OR56A3: variants seen among roughly 807,000 people sequenced by gnomAD.
The protein encoded by OR56A3 is olfactory receptor family 56 subfamily A member 3, also known as olfactory receptor 56A3.
Under a neutral mutation model 17.5 loss-of-function variants are expected in OR56A3, and 23 were observed. That is an observed-to-expected ratio of 1.32 (90% CI 0.95 to 1.87). The LOEUF is 1.87. Ranked by LOEUF, OR56A3 falls within the 40% of genes most tolerant of loss-of-function variation. The pLI is 0.00. For missense variants in OR56A3, 366 were observed against 380.1 expected (o/e 0.96, Z 0.31); for synonymous variants, 175 against 150.6 (o/e 1.16, Z -1.19).
the OR56A3 span, chr11:6,003,157 A>T: frequency 2.0e-6 from 3 of 1,528,724 alleles, no homozygotes; most frequent in Admixed American, 2.0e-5. Flanking sequence ...ATCCTCCCTT[A>T]TATTTAACCA....
the OR56A3 span, chr11:6,000,723 C>A: frequency 2.5e-4 from 38 of 152,074 alleles, no homozygotes; most frequent in African/African-American, 8.9e-4. Context: ...AGAGAGAGAG[C>A]AAAATGGGAA....
At chr11:5,959,326 CCT>C in the OR56A3 span, among the ~76,000 whole-genome samples, 1 of 151,934 alleles carries the variant, frequency 6.6e-6, no homozygotes, top group Admixed American at 6.6e-5. Context: ...GTTTTGTTTT[CCT>C]TTTTGTTTTT....
chr11:5,997,044 T>G, the OR56A3 span, among the ~76,000 whole-genome samples: 1 of 152,106 alleles, frequency 6.6e-6, no homozygotes, highest in Non-Finnish European at 1.5e-5. Flanking sequence ...GAGGGGTGAA[T>G]TATAGTTGAT....
At chr11:5,987,079 G>C in the OR56A3 span, 35 of 693,586 alleles carry the variant, frequency 5.0e-5, no homozygotes, top group African/African-American at 3.9e-4. Flanking sequence ...TCTTTTACAA[G>C]TGAGACATCC....
chr11:5,987,477 T>C, the OR56A3 span, among the ~76,000 whole-genome samples: 1 of 152,230 alleles, frequency 6.6e-6, no homozygotes, highest in Non-Finnish European at 1.5e-5. Context: ...TCTTCCAAAT[T>C]TATGTCTGTT....
chr11:6,002,959 C>T, the OR56A3 span: 1 of 1,613,810 alleles, frequency 6.2e-7, no homozygotes, highest in African/African-American at 1.3e-5. Context: ...AATTCAGAGA[C>T]TGGGGCAGTG....
chr11:5,968,355 G>A, the OR56A3 span: 3 of 1,613,896 alleles, frequency 1.9e-6, no homozygotes, highest in South Asian at 2.2e-5. Context: ...GATCAGAAGG[G>A]TGGCATTGGC....
the OR56A3 span, among the ~76,000 whole-genome samples, chr11:6,003,627 T>C: frequency 6.6e-6 from 1 of 152,062 alleles, no homozygotes; most frequent in Non-Finnish European, 1.5e-5. Context: ...GAAACTAGAG[T>C]ACCTAGAAAA....
At chr11:6,004,896 A>C in the OR56A3 span, among the ~76,000 whole-genome samples, 1 of 152,232 alleles carries the variant, frequency 6.6e-6, no homozygotes, top group Non-Finnish European at 1.5e-5. Context: ...ATAATTAAGC[A>C]AAAACCATTA....
chr11:5,991,793 T>C, the OR56A3 span, among the ~76,000 whole-genome samples: 1 of 152,196 alleles, frequency 6.6e-6, no homozygotes, highest in Non-Finnish European at 1.5e-5. Flanking sequence ...TCCTTGATAC[T>C]TTCCCAGGGC....
the OR56A3 span, among the ~76,000 whole-genome samples, chr11:6,015,017 G>GAAAAAAAAAAAAAAAAA: frequency 1.0e-4 from 4 of 39,544 alleles, no homozygotes; most frequent in Non-Finnish European, 1.6e-4. Context: ...AAAAAAAAAT[G>GAAAAAAAAAAAAAAAAA]ACCTGAAACT....
At chr11:6,008,220 T>G in the OR56A3 span, among the ~76,000 whole-genome samples, 109,269 of 151,954 alleles carry the variant, frequency 0.72, 39,628 homozygotes, top group East Asian at 0.94. Context: ...CCCCACAACT[T>G]CTGAGAAGGA....
the OR56A3 span, among the ~76,000 whole-genome samples, chr11:5,991,784 C>T: frequency 6.6e-6 from 1 of 152,162 alleles, no homozygotes; most frequent in African/African-American, 2.4e-5. Flanking sequence ...GAAAGTTTAT[C>T]CTTGATACTT....
At chr11:5,944,097 G>A (rs908104737) in intron 1 of OR56A3, among the ~76,000 whole-genome samples, 5 of 152,174 alleles carry the variant, frequency 3.3e-5, no homozygotes. Flanking sequence ...ACTGGAGGCT[G>A]GAAGTTTTGT....
chr11:5,997,805 T>C, the OR56A3 span, among the ~76,000 whole-genome samples: 1 of 152,212 alleles, frequency 6.6e-6, no homozygotes, highest in African/African-American at 2.4e-5. Flanking sequence ...CATTTTATTA[T>C]AGCCAGTATA....
At chr11:6,004,238 G>C in the OR56A3 span, among the ~76,000 whole-genome samples, 1 of 152,140 alleles carries the variant, frequency 6.6e-6, no homozygotes, top group African/African-American at 2.4e-5. Flanking sequence ...TGTAATCCCA[G>C]CTACTTGGGA....
chr11:5,992,139 A>C, the OR56A3 span, among the ~76,000 whole-genome samples: 1 of 152,188 alleles, frequency 6.6e-6, no homozygotes, highest in Non-Finnish European at 1.5e-5. Flanking sequence ...CTCACGGAAC[A>C]ATCTTGGACC....
the OR56A3 span, among the ~76,000 whole-genome samples, chr11:5,991,002 A>G: frequency 6.6e-6 from 1 of 152,180 alleles, no homozygotes; most frequent in African/African-American, 2.4e-5. Flanking sequence ...CTCCAGTTCA[A>G]TCTCCATGAT....
the OR56A3 span, among the ~76,000 whole-genome samples, chr11:5,984,095 A>G: frequency 6.6e-6 from 1 of 152,240 alleles, no homozygotes; most frequent in Non-Finnish European, 1.5e-5. Flanking sequence ...ATAAGGTAGT[A>G]GGAAGAGGTG....
Sources: allele counts gnomAD v4.1 joint callset (sites outside exome capture counted in the v4.1 genomes callset), GRCh38; gene constraint gnomAD v4.1.1; transcripts MANE v1.5; gene names NCBI Gene and HGNC (gene_info 2026-07-23, HGNC 2026-07-21).